SEZ6L: variants seen among roughly 807,000 people sequenced by gnomAD.
SEZ6L encodes seizure related 6 homolog like.
A neutral mutation model predicts 106.2 loss-of-function variants in SEZ6L; 37 were observed. The observed-to-expected ratio is 0.35, with a 90% CI of 0.27 to 0.46. SEZ6L has a LOEUF of 0.46. Among genes scored for constraint, SEZ6L ranks in the 20% least tolerant of loss-of-function variants. SEZ6L has a pLI of 1.00. For synonymous variants in SEZ6L, 541 were observed against 570.4 expected (o/e 0.95, Z 0.73); for missense variants, 1,172 against 1,332.8 (o/e 0.88, Z 1.88).
At chr22:26,293,237 C>A (rs752530371) in intron 2 of SEZ6L, 91 bp downstream of exon 2, 181 of 1,427,520 alleles carry the variant, frequency 1.3e-4, no homozygotes, top group Non-Finnish European at 1.7e-4. Context: ...TCTCAAGAAG[C>A]CCCGGCCCCA....
chr22:26,321,065 T>G lies in SEZ6L; in HGVS notation c.2015+7163T>G, dbSNP rs949404772. Among the ~76,000 whole-genome samples, 10 of 152,336 alleles carry G rather than the reference T, an allele frequency of 6.6e-5. No homozygotes were observed. In the East Asian group the frequency reaches 1.9e-3, roughly 29 times the overall value. On this transcript the variant is annotated intron_variant, in intron 9 of 16. Coordinates refer to ENST00000248933, the MANE Select transcript of SEZ6L (RefSeq NM_021115.5). The stretch of plus-strand genomic sequence containing the variant: ...TCCAGCCAAAAGGAACAGCATGTGC[T>G]AAGGTCCAGAGGCAGGAAAGCACAG...
At chr22:26,327,694 CCA>C (rs1436385044) in intron 9 of SEZ6L, among the ~76,000 whole-genome samples, 2 of 150,906 alleles carry the variant, frequency 1.3e-5, no homozygotes, top group East Asian at 3.9e-4. Flanking sequence ...CCACACACAC[CCA>C]CACACACCAC....
chr22:26,270,463 GGTGT>G (rs60049781), intron 1 of SEZ6L, among the ~76,000 whole-genome samples: 329 of 146,146 alleles, frequency 2.3e-3, no homozygotes, highest in Middle Eastern at 6.9e-3. Context: ...AATTGTGAGG[GGTGT>G]GTGTGTGTGT....
chr22:26,265,954 G>T (rs538553500), intron 1 of SEZ6L, among the ~76,000 whole-genome samples: 3 of 152,202 alleles, frequency 2.0e-5, no homozygotes, highest in Non-Finnish European at 4.4e-5. Context: ...CTGATGGGGG[G>T]ATGTTCCTGA....
intron 12 of SEZ6L, among the ~76,000 whole-genome samples, chr22:26,358,987 A>G (rs1020388150): frequency 5.9e-5 from 9 of 152,194 alleles, no homozygotes; most frequent in African/African-American, 1.2e-4. Flanking sequence ...GTGTGACTAC[A>G]TGTCACTGCC....
chr22:26,226,328 C>CCT (rs1349172742), intron 1 of SEZ6L, among the ~76,000 whole-genome samples: 1 of 152,230 alleles, frequency 6.6e-6, no homozygotes, highest in African/African-American at 2.4e-5. Flanking sequence ...TCCTTGCCCA[C>CCT]CTCTCACCAC....
intron 7 of SEZ6L, 31 bp from the exon 8 acceptor site, chr22:26,311,737 C>T (rs1237742611): frequency 6.3e-7 from 1 of 1,597,978 alleles, no homozygotes. Context: ...CCTGCATCAT[C>T]TGAACTGCTG....
chr22:26,270,849 T>C (rs2080341736), intron 1 of SEZ6L, among the ~76,000 whole-genome samples: 1 of 152,108 alleles, frequency 6.6e-6, no homozygotes, highest in African/African-American at 2.4e-5. Context: ...AGCCTCGAGC[T>C]TCCAACCCTC....
At chr22:26,270,546 G>T (rs946937742) in intron 1 of SEZ6L, among the ~76,000 whole-genome samples, 4 of 151,936 alleles carry the variant, frequency 2.6e-5, no homozygotes, top group African/African-American at 9.7e-5. Flanking sequence ...AGATATGATG[G>T]ACAAAAATTA....
At chr22:26,328,205 A>T (rs62225715) in intron 9 of SEZ6L, among the ~76,000 whole-genome samples, 10,598 of 152,252 alleles carry the variant, frequency 0.07, 584 homozygotes, top group Admixed American at 0.18. Context: ...GTCACAGGTC[A>T]GAAAGGTGGC....
chr22:26,334,447 G>A (rs903713802), intron 9 of SEZ6L, among the ~76,000 whole-genome samples: 9 of 152,188 alleles, frequency 5.9e-5, no homozygotes, highest in South Asian at 2.1e-4. Flanking sequence ...GTGCTGCGGC[G>A]TGGGCCAGTG....
At chr22:26,321,904 C>G (rs908727509) in intron 9 of SEZ6L, among the ~76,000 whole-genome samples, 1 of 152,084 alleles carries the variant, frequency 6.6e-6, no homozygotes, top group East Asian at 1.9e-4. Context: ...CTCTCTCCCT[C>G]TTCGTCTACT....
rs371778297 is a variant in SEZ6L at position 26,269,014 on chromosome 22, C to G, written c.95-23392C>G. 8.5e-4 allele frequency among the ~76,000 whole-genome samples: 129 copies of G among 152,270 alleles called. 3 individuals are homozygous for G. In the South Asian group the frequency reaches 0.024, roughly 29 times the overall value. On this transcript the variant is annotated intron_variant, in intron 1 of 16. Transcript: ENST00000248933. ...ATTTCTCCCCTGCAAGGTTTTTGCT[C>G]TAGGATCAAACAGGACAATGGATGT...
At chr22:26,180,906 A>G (rs970423242) in intron 1 of SEZ6L, among the ~76,000 whole-genome samples, 4 of 152,204 alleles carry the variant, frequency 2.6e-5, no homozygotes, top group Non-Finnish European at 5.9e-5. Flanking sequence ...GTTTAGAACA[A>G]TGTACTCAGA....
At chr22:26,190,336 A>G (rs1042559536) in intron 1 of SEZ6L, among the ~76,000 whole-genome samples, 1 of 152,128 alleles carries the variant, frequency 6.6e-6, no homozygotes, top group Non-Finnish European at 1.5e-5. Context: ...TTGAAGTTAT[A>G]AATTATGCAC....
chr22:26,355,097 C>T (rs1056362147), intron 12 of SEZ6L, among the ~76,000 whole-genome samples: 1 of 152,210 alleles, frequency 6.6e-6, no homozygotes, highest in African/African-American at 2.4e-5. Context: ...AGCTTTGAAA[C>T]GTTTTGTCGA....
chr22:26,184,772 AG>A (rs1453222307), intron 1 of SEZ6L, among the ~76,000 whole-genome samples: 2 of 152,186 alleles, frequency 1.3e-5, no homozygotes, highest in African/African-American at 2.4e-5. Context: ...AAGAAAAAAA[AG>A]TTTAGGCTTA....
intron 6 of SEZ6L, among the ~76,000 whole-genome samples, chr22:26,309,767 C>T (rs1363197323): frequency 6.6e-5 from 10 of 152,044 alleles, no homozygotes; most frequent in African/African-American, 1.7e-4. Context: ...TTAGTAGAGA[C>T]GGGGTTTCAC....
chr22:26,351,006 C>T, intron 11 of SEZ6L, 46 bp from the exon 12 acceptor site: 1 of 1,546,816 alleles, frequency 6.5e-7, no homozygotes, highest in Non-Finnish European at 8.8e-7. Context: ...AACCCATGGT[C>T]ATCCAGAGGT....
Sources: allele counts gnomAD v4.1 joint callset (sites outside exome capture counted in the v4.1 genomes callset), GRCh38; gene constraint gnomAD v4.1.1; transcripts MANE v1.5; gene names NCBI Gene and HGNC (gene_info 2026-07-23, HGNC 2026-07-21).